Variants in HHAT observed in about 807,000 individuals in gnomAD.
The protein encoded by HHAT is protein-cysteine N-palmitoyltransferase HHAT.
HHAT carries 47 observed loss-of-function variants against 70.8 expected under a neutral mutation model. The observed-to-expected ratio is 0.66, with a 90% confidence interval of 0.53 to 0.85. The LOEUF (loss-of-function observed/expected upper bound fraction) is 0.85, where lower values mean the gene tolerates loss of function less well. Ranked by LOEUF, HHAT falls within the 40% of genes least tolerant of loss-of-function variation. The pLI is 0.00. For missense variants in HHAT, 609 were observed against 604.8 expected, an observed-to-expected ratio of 1.01 and a Z score of -0.07; for synonymous variants, 228 against 247.6, an observed-to-expected ratio of 0.92 and a Z score of 0.74.
intron 3 of HHAT, among the ~76,000 whole-genome samples, chr1:210,376,558 A>G (rs1180767470): frequency 2.6e-5 from 4 of 152,166 alleles, no homozygotes; most frequent in African/African-American, 7.2e-5. Context: ...GGTGGAAGTA[A>G]TGGACTGTGG....
At chr1:210,577,070 C>CA in intron 9 of HHAT, among the ~76,000 whole-genome samples, 1 of 128,350 alleles carries the variant, frequency 7.8e-6, no homozygotes, top group Non-Finnish European at 1.8e-5. Context: ...ATTTGTTTAA[C>CA]GGGTTTTTTT....
At chr1:210,385,252 C>CTT (rs55887436) in intron 3 of HHAT, among the ~76,000 whole-genome samples, 28,806 of 138,668 alleles carry the variant, frequency 0.21, 3,221 homozygotes, top group Admixed American at 0.27. Context: ...ATATGTTTTT[C>CTT]TTTTTTTTTT....
intron 4 of HHAT, among the ~76,000 whole-genome samples, chr1:210,399,819 T>A (rs1172753819): frequency 6.6e-6 from 1 of 152,190 alleles, no homozygotes; most frequent in African/African-American, 2.4e-5. Context: ...TCTGTGATTC[T>A]CCTAAAATGG....
At chr1:210,424,593 C>T (rs2093005309) in intron 7 of HHAT, among the ~76,000 whole-genome samples, 2 of 151,624 alleles carry the variant, frequency 1.3e-5, no homozygotes, top group Non-Finnish European at 1.5e-5. Context: ...TTCCCTCCTC[C>T]CACCCTCCAC....
At chr1:210,541,400 G>A (rs1361726646) in intron 9 of HHAT, among the ~76,000 whole-genome samples, 3 of 152,126 alleles carry the variant, frequency 2.0e-5, no homozygotes, top group Admixed American at 2.0e-4. Context: ...GCTTAACAAA[G>A]TCTCACAGGC....
chr1:210,451,660 C>T (rs931880657), intron 7 of HHAT, among the ~76,000 whole-genome samples: 8 of 152,046 alleles, frequency 5.3e-5, no homozygotes, highest in Non-Finnish European at 1.2e-4. Context: ...CTAACTACAC[C>T]CTTGAACTCT....
intron 10 of HHAT, among the ~76,000 whole-genome samples, chr1:210,593,379 C>A (rs1662194286): frequency 1.3e-5 from 2 of 151,998 alleles, no homozygotes; most frequent in African/African-American, 4.8e-5. Context: ...GTTGTGTATC[C>A]ATTATCATTT....
At chr1:210,371,290 A>G (rs965152302) in intron 3 of HHAT, among the ~76,000 whole-genome samples, 2 of 152,206 alleles carry the variant, frequency 1.3e-5, no homozygotes, top group Non-Finnish European at 2.9e-5. Context: ...CAGGGCCTAC[A>G]GGCATGTGCC....
chr1:210,553,801 C>T lies in HHAT; in HGVS notation c.1044-34097C>T, dbSNP rs150442329. Among the ~76,000 whole-genome samples, 177 of 152,300 alleles carry T rather than the reference C, an allele frequency of 1.2e-3. 1 individual carries two copies. Among genetic ancestry groups the T allele is most frequent in the Admixed American group, 1.6e-3 (24 of 15,302 alleles). ...CTCTGCCTCCTCCTCTCCCTCTCTC[C>T]CTCTTCCCACCTCTTCCTCTCCCTG... On this transcript the variant is annotated intron_variant, in intron 9 of 11. Transcript: ENST00000261458.
intron 10 of HHAT, among the ~76,000 whole-genome samples, chr1:210,608,636 A>G (rs1665990370): frequency 6.6e-6 from 1 of 152,168 alleles, no homozygotes; most frequent in African/African-American, 2.4e-5. Context: ...ATTTAATTGT[A>G]GTATGATTTG....
intron 1 of HHAT, among the ~76,000 whole-genome samples, chr1:210,335,707 G>A (rs1204495313): frequency 6.6e-6 from 1 of 152,172 alleles, no homozygotes; most frequent in Admixed American, 6.5e-5. Context: ...ACACTGGGTC[G>A]ATTGACTATC....
At chr1:210,402,223 T>C (rs1000664360) in intron 5 of HHAT, among the ~76,000 whole-genome samples, 2 of 152,310 alleles carry the variant, frequency 1.3e-5, no homozygotes, top group East Asian at 3.9e-4. Flanking sequence ...AGCCCTTCAC[T>C]TTTGGGGCCA....
chr1:210,574,420 C>T (rs900207555), intron 9 of HHAT, among the ~76,000 whole-genome samples: 28 of 152,200 alleles, frequency 1.8e-4, no homozygotes, highest in African/African-American at 6.3e-4. Context: ...TGGAGAATGA[C>T]GTAGAAGAAG....
chr1:210,653,314 C>T (rs913092844), intron 11 of HHAT, among the ~76,000 whole-genome samples: 11 of 152,084 alleles, frequency 7.2e-5, no homozygotes, highest in African/African-American at 1.7e-4. Flanking sequence ...AGGCTGAGGC[C>T]GGCAGATAGC....
In HHAT at chr1:210,404,473, T is replaced by TA; in HGVS notation, c.479dup (p.Tyr160Ter). ...QGVEEVKRRW[Y>*]KTENEYYLLQ... Reference sequence around the variant, plus strand: ...CCTTTTGATTTTGTAGAGAAGGTGGTACAAGACAGAAAACGAGTACTACCT... The same window carrying TA: ...CCTTTTGATTTTGTAGAGAAGGTGGTAACAAGACAGAAAACGAGTACTACCT... The change falls in exon 6 of 12, where the codon TAC (tyrosine) becomes TAAC (stop). Residue 160 changes from tyrosine (Y) to a stop codon, truncating the protein, a stop_gained and frameshift_variant. Transcript: ENST00000261458. LOFTEE classifies it high-confidence loss of function. 1 of 1,611,632 alleles carries TA rather than the reference T, an allele frequency of 6.2e-7. No individual in the cohort carries two copies. The highest frequency in any genetic ancestry group is 1.1e-5 in the South Asian group (1 of 90,982).
chr1:210,666,478 A>AT (rs1678918649), intron 11 of HHAT, among the ~76,000 whole-genome samples: 1 of 151,864 alleles, frequency 6.6e-6, no homozygotes, highest in Non-Finnish European at 1.5e-5. Flanking sequence ...TCATTATTTT[A>AT]TTTTTATTTT....
At chr1:210,329,215 A>G (rs1308336468) in intron 1 of HHAT, 111 bp downstream of exon 1, 2 of 1,229,432 alleles carry the variant, frequency 1.6e-6, no homozygotes, top group East Asian at 3.2e-5. Context: ...TTTCCTACCC[A>G]AGTTCCCGTG....
rs1355508819 is a variant in HHAT, at chr1:210,468,272, G to A, written c.1007+3617G>A. ...TTTGCCAGGAGTCATTAAAGATGACGTTGTATGTCTAAGACTCCAAATTAG... is the reference window on the plus strand; with the variant it reads ...TTTGCCAGGAGTCATTAAAGATGACATTGTATGTCTAAGACTCCAAATTAG... On this transcript the variant is annotated intron_variant, in intron 8 of 11. Transcript: ENST00000261458. Among the ~76,000 whole-genome samples, 7 of 152,280 alleles carry A rather than the reference G, an allele frequency of 4.6e-5. No individual in the cohort carries two copies. The East Asian group carries it at 1.3e-3, about 29-fold the overall frequency.
chr1:210,594,124 G>A (rs775934473), intron 10 of HHAT, among the ~76,000 whole-genome samples: 5 of 151,924 alleles, frequency 3.3e-5, no homozygotes, highest in Admixed American at 6.6e-5. Flanking sequence ...CTATTCAGCC[G>A]CTCTGTCTTT....
Sources: gnomAD v4.1 joint callset for allele counts (sites outside exome capture counted in the v4.1 genomes callset) on GRCh38, gnomAD v4.1.1 for gene constraint, MANE v1.5 for transcripts, NCBI Gene and HGNC (gene_info 2026-07-23, HGNC 2026-07-21) for gene names.